The following GPC3 variants were observed in gnomAD, a reference collection of about 807,000 sequenced individuals.
GPC3 encodes glypican-3.
A neutral mutation model predicts 34.4 loss-of-function variants in GPC3; 3 were observed. That is an observed-to-expected ratio of 0.09 (90% CI 0.04 to 0.23). GPC3 has a LOEUF of 0.23. Among genes scored for constraint, GPC3 ranks in the 10% least tolerant of loss-of-function variants. The pLI is 1.00. For synonymous variants in GPC3, 177 were observed against 174.0 expected (o/e 1.02, Z -0.13); for missense variants, 351 against 445.6 (o/e 0.79, Z 1.91).
At chrX:133,943,129 T>C (rs761151793) in intron 2 of GPC3, among the ~76,000 whole-genome samples, 1 of 112,028 alleles carries the variant, frequency 8.9e-6, no homozygotes, top group Admixed American at 9.5e-5. Flanking sequence ...AGAGTATCAA[T>C]AGTTGCCATT....
At chrX:133,693,514 C>T (rs890924609) in intron 4 of GPC3, among the ~76,000 whole-genome samples, 7 of 111,571 alleles carry the variant, frequency 6.3e-5, no homozygotes, top group African/African-American at 2.0e-4. Context: ...TATGTCTATA[C>T]TAAGTTTTTG....
At chrX:133,952,600 C>T (rs1488729711) in intron 2 of GPC3, among the ~76,000 whole-genome samples, 1 of 112,260 alleles carries the variant, frequency 8.9e-6, no homozygotes, top group Non-Finnish European at 1.9e-5. Flanking sequence ...ACCACTCACA[C>T]CAATGGGAAA....
chrX:133,887,996 C>T (rs986008346), intron 2 of GPC3, among the ~76,000 whole-genome samples: 1 of 107,876 alleles, frequency 9.3e-6, no homozygotes, highest in African/African-American at 3.4e-5. Flanking sequence ...CACAGGTATA[C>T]ACGTGCCCTG....
chrX:133,735,920 A>G (rs1462907201), intron 3 of GPC3, among the ~76,000 whole-genome samples: 1 of 107,512 alleles, frequency 9.3e-6, no homozygotes, highest in Non-Finnish European at 1.9e-5. Context: ...ATGTGATCAC[A>G]CCACTGCATT....
rs192705321 is a variant in GPC3, at chrX:133,770,830, C to T, written c.338-16654G>A. 1.6e-3 allele frequency among the ~76,000 whole-genome samples: 177 copies of T among 112,318 alleles called. 1 individual carries two copies. The highest frequency in any genetic ancestry group is 5.2e-3 in the Admixed American group (55 of 10,624). ...AAGGGAAGAGCAAGCACAGAATCCA[C>T]CTCGTAGCAGGATTGTTCTTCTATT... On this transcript the variant is annotated intron_variant, in intron 2 of 7. Coordinates refer to ENST00000370818, the MANE Select transcript of GPC3 (RefSeq NM_004484.4).
At chrX:133,872,026 C>T (rs1965098843) in intron 2 of GPC3, among the ~76,000 whole-genome samples, 1 of 111,127 alleles carries the variant, frequency 9.0e-6, no homozygotes, top group African/African-American at 3.3e-5. Flanking sequence ...TCACTGCAGC[C>T]TTGAACTCCT....
chrX:133,539,429 T>G (rs2069323222), intron 7 of GPC3, among the ~76,000 whole-genome samples: 1 of 112,494 alleles, frequency 8.9e-6, no homozygotes, highest in South Asian at 3.7e-4. Context: ...CCAAACAGCA[T>G]GAGAGCAAAG....
chrX:133,890,177 A>T (rs937933705), intron 2 of GPC3, among the ~76,000 whole-genome samples: 2 of 111,860 alleles, frequency 1.8e-5, no homozygotes, highest in Non-Finnish European at 3.8e-5. Context: ...CAATGTCATT[A>T]TGAATTATTT....
At chrX:133,603,827 A>G (rs1005716792) in intron 6 of GPC3, among the ~76,000 whole-genome samples, 1 of 112,141 alleles carries the variant, frequency 8.9e-6, no homozygotes, top group African/African-American at 3.2e-5. Flanking sequence ...ACAAAAGGGT[A>G]TGGCAGCATG....
intron 5 of GPC3, among the ~76,000 whole-genome samples, chrX:133,666,310 T>C (rs1169984202): frequency 8.9e-6 from 1 of 112,362 alleles, no homozygotes; most frequent in East Asian, 2.8e-4. Context: ...CTTGCCAAAC[T>C]TTTTGAAAGT....
At chrX:133,877,920 T>TGAA (rs2076023786) in intron 2 of GPC3, among the ~76,000 whole-genome samples, 1 of 111,006 alleles carries the variant, frequency 9.0e-6, no homozygotes, top group Non-Finnish European at 1.9e-5. Context: ...TATTAACCAT[T>TGAA]GAACCACTGT....
At chrX:133,846,049 G>C (rs1304001673) in intron 2 of GPC3, among the ~76,000 whole-genome samples, 1 of 111,812 alleles carries the variant, frequency 8.9e-6, no homozygotes, top group African/African-American at 3.2e-5. Context: ...ACTTAGGAAA[G>C]GATTACTGTG....
intron 2 of GPC3, among the ~76,000 whole-genome samples, chrX:133,774,736 C>A (rs2071959951): frequency 9.0e-6 from 1 of 111,622 alleles, no homozygotes; most frequent in African/African-American, 3.3e-5. Context: ...ATGTTATAGA[C>A]AGAAACTGAG....
chrX:133,659,936 C>T (rs750527939), intron 6 of GPC3, among the ~76,000 whole-genome samples: 22 of 111,788 alleles, frequency 2.0e-4, no homozygotes, highest in Non-Finnish European at 3.8e-5. Flanking sequence ...TGCTCTGATC[C>T]CCTCAGAGAT....
chrX:133,642,486 T>C (rs978897236), intron 6 of GPC3, among the ~76,000 whole-genome samples: 4 of 110,912 alleles, frequency 3.6e-5, no homozygotes, highest in Non-Finnish European at 7.6e-5. Context: ...AATAAATGCA[T>C]ACAGGCCAGG....
chrX:133,863,814 C>T (rs2075952517), intron 2 of GPC3, among the ~76,000 whole-genome samples: 1 of 102,364 alleles, frequency 9.8e-6, no homozygotes, highest in South Asian at 4.6e-4. Context: ...CGCCACCGCG[C>T]CCGGCTAATT....
At chrX:133,835,088 T>C (rs2075793633) in intron 2 of GPC3, among the ~76,000 whole-genome samples, 1 of 112,012 alleles carries the variant, frequency 8.9e-6, no homozygotes, top group Non-Finnish European at 1.9e-5. Context: ...TTTTGTACAG[T>C]ACCTCTGATC....
intron 6 of GPC3, among the ~76,000 whole-genome samples, chrX:133,623,050 A>C (rs1304154438): frequency 2.7e-5 from 3 of 112,058 alleles, no homozygotes; most frequent in African/African-American, 9.7e-5. Context: ...TTTCATATCC[A>C]GCCAAACTAA....
intron 2 of GPC3, among the ~76,000 whole-genome samples, chrX:133,835,474 A>G (rs764799314): frequency 8.9e-6 from 1 of 112,154 alleles, no homozygotes; most frequent in South Asian, 3.7e-4. Flanking sequence ...CACAGAAAGC[A>G]ATAAACAATG....
Sources: gnomAD v4.1 joint callset for allele counts (sites outside exome capture counted in the v4.1 genomes callset) on GRCh38, gnomAD v4.1.1 for gene constraint, MANE v1.5 for transcripts, NCBI Gene and HGNC (gene_info 2026-07-23, HGNC 2026-07-21) for gene names.